CRISPLD1: variants seen among roughly 807,000 people sequenced by gnomAD.
CRISPLD1 encodes the protein cysteine-rich secretory protein LCCL domain-containing 1.
Under a neutral mutation model 77.5 loss-of-function variants are expected in CRISPLD1, and 60 were observed. The ratio of observed to expected loss-of-function variants is 0.77; its 90% CI spans 0.63 to 0.96. The LOEUF (loss-of-function observed/expected upper bound fraction) is 0.96, where lower values mean the gene tolerates loss of function less well. CRISPLD1 is among the 40% of genes least tolerant of loss of function. CRISPLD1 has a pLI of 0.00. For synonymous variants in CRISPLD1, 195 were observed against 200.1 expected (o/e 0.97, Z 0.22); for missense variants, 623 against 615.8 (o/e 1.01, Z -0.12).
chr8:75,017,844 AATTAC>A (rs1159018968), intron 10 of CRISPLD1, among the ~76,000 whole-genome samples: 1 of 152,224 alleles, frequency 6.6e-6, no homozygotes, highest in African/African-American at 2.4e-5. Flanking sequence ...TGATAAGATA[AATTAC>A]ATTAGAGAAA....
In CRISPLD1 at chr8:75,020,025, AAAC is replaced by A. The variant is rs1176803226; in HGVS notation, c.1194_1196del (p.Thr399del). The A allele has an allele frequency of 6.2e-7, 1 of 1,614,142 alleles. No individual in the cohort carries two copies. On this transcript the variant is annotated inframe_deletion, in exon 12 of 15. Coordinates refer to ENST00000262207, the MANE Select transcript of CRISPLD1 (RefSeq NM_031461.6). ...TCTTCAGTTCAGGCTGTGACTTGTG[AAAC>A]AACTGTGGAACAGCTCTGTCCATTT...
chr8:74,992,015 TATC>T (rs1421382706), intron 2 of CRISPLD1, among the ~76,000 whole-genome samples: 1 of 152,220 alleles, frequency 6.6e-6, no homozygotes, highest in African/African-American at 2.4e-5. Context: ...GAAGGGTAAG[TATC>T]ATACCTTATT....
At chr8:74,991,749 C>T (rs899145229) in intron 2 of CRISPLD1, among the ~76,000 whole-genome samples, 9 of 152,038 alleles carry the variant, frequency 5.9e-5, no homozygotes, top group Non-Finnish European at 1.0e-4. Flanking sequence ...AGGCTGGTCT[C>T]GAACTCCTCA....
rs754872696 is a variant in CRISPLD1 at position 74,986,004 on chromosome 8, G to A, written c.17G>A (p.Arg6Gln). Residue 6 changes from arginine to glutamine, a missense_variant, in exon 2 of 15, where the codon CGG (arginine) becomes CAG (glutamine). Physicochemically the swap from Arg to Gln is conservative, Grantham distance 43. Coordinates refer to ENST00000262207, the MANE Select transcript of CRISPLD1 (RefSeq NM_031461.6). MKCTA[R>Q]EWLRVTTVLF... Reference sequence around the variant, plus strand: ...TCATTCATTATGAAGTGTACCGCGCGGGAGTGGCTCAGAGTAACCACAGTG... The same window carrying A: ...TCATTCATTATGAAGTGTACCGCGCAGGAGTGGCTCAGAGTAACCACAGTG... The A allele has an allele frequency of 2.5e-6, 4 of 1,613,990 alleles. No homozygotes were observed. In the South Asian group the frequency reaches 3.3e-5, roughly 13 times the overall value.
At chr8:75,000,249 A>G (rs1216141736) in intron 2 of CRISPLD1, 2 of 985,330 alleles carry the variant, frequency 2.0e-6, no homozygotes, top group East Asian at 2.3e-4. Flanking sequence ...TATCTGAAAT[A>G]GTGAATGAAT....
intron 12 of CRISPLD1, among the ~76,000 whole-genome samples, chr8:75,022,933 A>C (rs898537550): frequency 6.6e-6 from 1 of 152,134 alleles, no homozygotes; most frequent in Non-Finnish European, 1.5e-5. Context: ...GTGTCTTATA[A>C]AAATTATAAG....
chr8:75,014,830 T>A lies in CRISPLD1; in HGVS notation c.645T>A (p.His215Gln). Residue 215 changes from histidine to glutamine, a missense_variant, in exon 6 of 15, where the codon CAT becomes CAA. His to Gln is a conservative substitution (Grantham distance 24). Transcript: ENST00000262207. ...NYSPKGNWWG[H>Q]APYKHGRPCS... ...CTTAAAGGGGAAACTGGTGGGGCCATGCCCCTTACAAACATGGGCGGCCCT... is the reference window on the plus strand; with the variant it reads ...CTTAAAGGGGAAACTGGTGGGGCCAAGCCCCTTACAAACATGGGCGGCCCT... 1.3e-6 allele frequency: 2 copies of A among 1,596,696 alleles called. No individual in the cohort carries two copies. The highest frequency in any genetic ancestry group is 1.7e-6 in the Non-Finnish European group (2 of 1,173,580).
At chr8:75,001,420 G>T (rs1307125326) in intron 2 of CRISPLD1, among the ~76,000 whole-genome samples, 1 of 152,150 alleles carries the variant, frequency 6.6e-6, no homozygotes, top group East Asian at 1.9e-4. Context: ...AGGAGATACA[G>T]TGATCAGAAT....
chr8:75,009,337 GA>G (rs544809518), intron 2 of CRISPLD1, among the ~76,000 whole-genome samples: 7 of 145,208 alleles, frequency 4.8e-5, no homozygotes, highest in South Asian at 2.2e-4. Flanking sequence ...GAAAAAAAAA[GA>G]AAAAAAAAAG....
At chr8:75,022,510 C>G (rs1813153588) in intron 12 of CRISPLD1, among the ~76,000 whole-genome samples, 1 of 151,480 alleles carries the variant, frequency 6.6e-6, no homozygotes, top group African/African-American at 2.4e-5. Flanking sequence ...ATGGCGTGAA[C>G]CCGGGAGGCC....
chr8:75,026,205 C>T (rs890886363), intron 13 of CRISPLD1, among the ~76,000 whole-genome samples: 3 of 152,080 alleles, frequency 2.0e-5, no homozygotes, highest in Non-Finnish European at 4.4e-5. Flanking sequence ...GCCTCAGCCT[C>T]CCAAGTAACT....
At chr8:74,997,524 C>T (rs2128781905) in intron 2 of CRISPLD1, among the ~76,000 whole-genome samples, 1 of 152,182 alleles carries the variant, frequency 6.6e-6, no homozygotes, top group Middle Eastern at 3.4e-3. Context: ...AGTGGTGGGA[C>T]ACAGGTAAAA....
rs1187937081 is a variant in CRISPLD1, at chr8:75,020,107, T to TA, written c.1244+28_1244+29insA. 6.3e-6 allele frequency: 10 copies of TA among 1,582,896 alleles called. No homozygotes were observed. In the African/African-American group the frequency reaches 1.3e-4, roughly 21 times the overall value. Reference sequence around the variant, plus strand: ...AAACCAGTGTACACATAGGGGGCTTTGGCCCTGTGATAACTGTTTTTGCCT... The same window carrying TA: ...AAACCAGTGTACACATAGGGGGCTTTAGGCCCTGTGATAACTGTTTTTGCCT... On this transcript the variant is annotated intron_variant, in intron 12 of 14. Transcript: ENST00000262207.
chr8:75,004,345 C>T (rs769607003), intron 2 of CRISPLD1, among the ~76,000 whole-genome samples: 132 of 152,270 alleles, frequency 8.7e-4, no homozygotes, highest in Non-Finnish European at 1.6e-3. Flanking sequence ...CAGCTGCTTG[C>T]CATAGTGCAT....
In CRISPLD1 at chr8:75,008,088, A is replaced by G. The variant is rs1812866115; in HGVS notation, c.259-4345A>G. On this transcript the variant is annotated intron_variant, in intron 2 of 14. Transcript: ENST00000262207. ...CTAGTTTAAAAATATCATTGGAGAC[A>G]AAGAATGTCAATAGTATTCTAAATA... is the stretch of plus-strand genomic sequence containing the variant. Among the ~76,000 whole-genome samples the G allele has an allele frequency of 2.0e-5, 3 of 152,210 alleles. No homozygotes were observed. The South Asian group carries it at 6.2e-4, about 31-fold the overall frequency.
chr8:74,990,525 CTA>C (rs1812556482), intron 2 of CRISPLD1, among the ~76,000 whole-genome samples: 3 of 152,032 alleles, frequency 2.0e-5, no homozygotes, highest in Admixed American at 1.3e-4. Flanking sequence ...TTTAAATATC[CTA>C]TGTTTGTGGC....
At chr8:75,029,706 T>G (rs1340125239) in intron 14 of CRISPLD1, among the ~76,000 whole-genome samples, 189 bp downstream of exon 14, 1 of 152,166 alleles carries the variant, frequency 6.6e-6, no homozygotes, top group African/African-American at 2.4e-5. Flanking sequence ...GTACCAGAGG[T>G]GCCTGTCTCC....
chr8:75,022,606 GA>G lies in CRISPLD1; in HGVS notation c.1244+2535del, dbSNP rs1308388281. 1.7e-3 allele frequency among the ~76,000 whole-genome samples: 241 copies of G among 145,388 alleles called. 4 individuals are homozygous for G. Among genetic ancestry groups the G allele is most frequent in the Admixed American group, 0.015 (223 of 14,524 alleles). On this transcript the variant is annotated intron_variant, in intron 12 of 14. Transcript: ENST00000262207. ...CTGTCTCAGAAAAAAAAAAAAAAAA[GA>G]AAAAAAATTGTAATAGTTTCATAAA...
intron 14 of CRISPLD1, among the ~76,000 whole-genome samples, chr8:75,030,418 T>C (rs1813314057): frequency 6.6e-6 from 1 of 152,218 alleles, no homozygotes; most frequent in South Asian, 2.1e-4. Flanking sequence ...AACAGAATAA[T>C]ATATAAAATG....
Sources: gnomAD v4.1 joint callset for allele counts (sites outside exome capture counted in the v4.1 genomes callset) on GRCh38, gnomAD v4.1.1 for gene constraint, MANE v1.5 for transcripts, NCBI Gene and HGNC (gene_info 2026-07-23, HGNC 2026-07-21) for gene names.